ADGRB3: variants seen among roughly 807,000 people sequenced by gnomAD.
ADGRB3 encodes the protein brain-specific angiogenesis inhibitor 3.
ADGRB3 carries 37 observed loss-of-function variants against 193.4 expected under a neutral mutation model. The observed-to-expected ratio is 0.19, with a 90% CI of 0.15 to 0.25. The LOEUF (loss-of-function observed/expected upper bound fraction) is 0.25, where lower values mean the gene tolerates loss of function less well. Among genes scored for constraint, ADGRB3 ranks in the 10% least tolerant of loss-of-function variants. The pLI, the probability that ADGRB3 is intolerant of heterozygous loss-of-function variation, is 1.00. For missense variants in ADGRB3, 1,637 were observed against 1,852.9 expected, an observed-to-expected ratio of 0.88 and a Z score of 2.14; for synonymous variants, 690 against 644.2, an observed-to-expected ratio of 1.07 and a Z score of -1.08.
intron 3 of ADGRB3, among the ~76,000 whole-genome samples, chr6:68,776,400 A>C (rs927395924): frequency 6.6e-6 from 1 of 152,188 alleles, no homozygotes; most frequent in Non-Finnish European, 1.5e-5. Context: ...TGAGGAATAA[A>C]CTAGGAACCT....
chr6:69,278,033 A>T (rs562105548), intron 20 of ADGRB3, among the ~76,000 whole-genome samples: 9 of 152,342 alleles, frequency 5.9e-5, no homozygotes, highest in African/African-American at 2.2e-4. Context: ...TGTTTATACT[A>T]ATATTCTCCT....
At chr6:69,364,235 A>T (rs1769520255) in intron 29 of ADGRB3, among the ~76,000 whole-genome samples, 1 of 152,082 alleles carries the variant, frequency 6.6e-6, no homozygotes, top group African/African-American at 2.4e-5. Flanking sequence ...AGGAAAAAAC[A>T]GAAGAAGGTA....
rs574248549 is a variant in ADGRB3, at chr6:69,387,190, A to G, written c.4381-1513A>G. 5.3e-5 allele frequency among the ~76,000 whole-genome samples: 8 copies of G among 152,224 alleles called. No homozygotes were observed. The East Asian group carries it at 1.5e-3, about 29-fold the overall frequency. On this transcript the variant is annotated intron_variant, in intron 31 of 31. Transcript: ENST00000370598. ...ACTGGAATTTGGACCTGCATGTATCAGGCTTTAAATCTTGAGCTTCCTAGT... is the reference window on the plus strand; with the variant it reads ...ACTGGAATTTGGACCTGCATGTATCGGGCTTTAAATCTTGAGCTTCCTAGT...
intron 17 of ADGRB3, among the ~76,000 whole-genome samples, chr6:69,178,383 TTTTG>T (rs968493096): frequency 3.3e-5 from 5 of 152,138 alleles, no homozygotes; most frequent in South Asian, 2.1e-4. Flanking sequence ...TTCTTGGTTT[TTTTG>T]TTTGTTTGTT....
At chr6:69,238,444 T>C (rs1407797462) in intron 19 of ADGRB3, among the ~76,000 whole-genome samples, 3 of 152,080 alleles carry the variant, frequency 2.0e-5, no homozygotes, top group Admixed American at 1.3e-4. Context: ...TAAACACTTC[T>C]TCATAAGGGT....
chr6:69,084,479 A>G (rs943797440), intron 17 of ADGRB3, among the ~76,000 whole-genome samples: 1 of 152,180 alleles, frequency 6.6e-6, no homozygotes, highest in Non-Finnish European at 1.5e-5. Flanking sequence ...TAAATCCAAA[A>G]CATTGCCAGT....
intron 21 of ADGRB3, among the ~76,000 whole-genome samples, chr6:69,327,221 G>A (rs1448675227): frequency 6.6e-6 from 1 of 152,148 alleles, no homozygotes; most frequent in African/African-American, 2.4e-5. Flanking sequence ...ACTTGAATGA[G>A]GTAAGTGTAA....
chr6:68,705,153 G>A (rs1214387236), intron 3 of ADGRB3, among the ~76,000 whole-genome samples: 1 of 152,008 alleles, frequency 6.6e-6, no homozygotes, highest in Non-Finnish European at 1.5e-5. Context: ...CTTCCCTCTA[G>A]CTCATTACCC....
At chr6:69,190,427 G>A (rs770444015) in intron 17 of ADGRB3, among the ~76,000 whole-genome samples, 8 of 151,822 alleles carry the variant, frequency 5.3e-5, no homozygotes, top group Non-Finnish European at 8.8e-5. Flanking sequence ...TTATAGAATA[G>A]AGATATAAAG....
In ADGRB3 at chr6:69,351,389, G is replaced by GC. The variant is rs1458081544; in HGVS notation, c.3460-2839dup. On this transcript the variant is annotated intron_variant, in intron 26 of 31. Transcript: ENST00000370598. ...TTGCAGGCATGAGCCACCACGCCCT[G>GC]CCCCCAGATACGTTTTTAAGATTAA... 8.5e-5 allele frequency among the ~76,000 whole-genome samples: 13 copies of GC among 152,122 alleles called. No homozygotes were observed. In the East Asian group the frequency reaches 2.5e-3, roughly 29 times the overall value.
At chr6:69,186,062 G>A (rs1405317734) in intron 17 of ADGRB3, among the ~76,000 whole-genome samples, 1 of 151,840 alleles carries the variant, frequency 6.6e-6, no homozygotes, top group Non-Finnish European at 1.5e-5. Context: ...TAGCTTTGCT[G>A]GAGGTTTGTT....
chr6:68,895,197 A>G (rs1002800390), intron 3 of ADGRB3, among the ~76,000 whole-genome samples: 1 of 148,530 alleles, frequency 6.7e-6, no homozygotes, highest in African/African-American at 2.5e-5. Flanking sequence ...CTGGTTTCAT[A>G]AGCTGCTGAA....
intron 10 of ADGRB3, among the ~76,000 whole-genome samples, chr6:68,978,951 T>C (rs139980027): frequency 1.8e-3 from 279 of 151,504 alleles, no homozygotes; most frequent in African/African-American, 6.4e-3. Flanking sequence ...TTTATAAATA[T>C]ATAGCAATCA....
intron 10 of ADGRB3, 71 bp downstream of exon 10, chr6:68,975,411 C>A: frequency 8.6e-7 from 1 of 1,168,916 alleles, no homozygotes; most frequent in Non-Finnish European, 1.3e-6. Context: ...GAGAATTTAA[C>A]CTTCTGCTGT....
At chr6:69,131,729 GACCTGTTATCTACATT>G (rs1226403709) in intron 17 of ADGRB3, among the ~76,000 whole-genome samples, 1 of 151,614 alleles carries the variant, frequency 6.6e-6, no homozygotes, top group African/African-American at 2.4e-5. Flanking sequence ...TACACCCATC[GACCTGTTATCTACATT>G]AGGTATTTCT....
chr6:68,823,842 A>G (rs9454628), intron 3 of ADGRB3, among the ~76,000 whole-genome samples: 4,661 of 152,290 alleles, frequency 0.031, 259 homozygotes, highest in African/African-American at 0.11. Context: ...GTGAATATCT[A>G]TAAACTTTGT....
At chr6:69,063,510 T>C (rs1771811294) in intron 16 of ADGRB3, among the ~76,000 whole-genome samples, 1 of 152,050 alleles carries the variant, frequency 6.6e-6, no homozygotes. Flanking sequence ...GATCTCACTA[T>C]GTGGTAGGAA....
chr6:69,313,563 T>A (rs1258211864), intron 20 of ADGRB3, among the ~76,000 whole-genome samples: 1 of 151,790 alleles, frequency 6.6e-6, no homozygotes, highest in African/African-American at 2.4e-5. Flanking sequence ...GAAAGCAATT[T>A]TATATTTGCA....
intron 17 of ADGRB3, among the ~76,000 whole-genome samples, chr6:69,199,297 A>C (rs952358204): frequency 3.3e-5 from 5 of 152,144 alleles, no homozygotes; most frequent in African/African-American, 1.2e-4. Flanking sequence ...TACTGAGGTT[A>C]ACCATGCAGA....
Sources: gnomAD v4.1 joint callset for allele counts (sites outside exome capture counted in the v4.1 genomes callset) on GRCh38, gnomAD v4.1.1 for gene constraint, MANE v1.5 for transcripts, NCBI Gene and HGNC (gene_info 2026-07-23, HGNC 2026-07-21) for gene names.